Variants in ASTN1 observed in about 807,000 individuals in gnomAD.
The protein encoded by ASTN1 is astrotactin 1.
In ASTN1, 41 loss-of-function variants were observed where a neutral mutation model predicts 140.7. That is an observed-to-expected ratio of 0.29 (90% CI 0.23 to 0.38). The LOEUF (loss-of-function observed/expected upper bound fraction) is 0.38, where lower values mean the gene tolerates loss of function less well. ASTN1 is among the 10% of genes least tolerant of loss of function. ASTN1 has a pLI of 1.00. For synonymous variants in ASTN1, 640 were observed against 652.2 expected (o/e 0.98, Z 0.29); for missense variants, 1,479 against 1,678.8 (o/e 0.88, Z 2.08).
At chr1:177,098,413 A>G (rs1425528070) in intron 1 of ASTN1, among the ~76,000 whole-genome samples, 1 of 152,194 alleles carries the variant, frequency 6.6e-6, no homozygotes, top group Non-Finnish European at 1.5e-5. Context: ...AAAATAATAC[A>G]GTGCCTGACA....
At chr1:177,020,444 T>C (rs1675767596) in intron 7 of ASTN1, among the ~76,000 whole-genome samples, 1 of 152,136 alleles carries the variant, frequency 6.6e-6, no homozygotes, top group South Asian at 2.1e-4. Flanking sequence ...CCTTCCTCCA[T>C]ATTCAAAGTC....
intron 1 of ASTN1, among the ~76,000 whole-genome samples, chr1:177,065,038 C>T (rs1678282740): frequency 6.6e-6 from 1 of 152,220 alleles, no homozygotes; most frequent in Admixed American, 6.5e-5. Context: ...TGCAAGCCTG[C>T]CATGAGGCTC....
intron 7 of ASTN1, among the ~76,000 whole-genome samples, chr1:177,019,577 T>G (rs1288483117): frequency 1.3e-5 from 2 of 152,232 alleles, no homozygotes; most frequent in Non-Finnish European, 2.9e-5. Context: ...ATTTCTCAAG[T>G]GCATCCAAGT....
At chr1:176,890,105 G>T (rs1669198959) in intron 17 of ASTN1, among the ~76,000 whole-genome samples, 1 of 152,196 alleles carries the variant, frequency 6.6e-6, no homozygotes, top group Admixed American at 6.5e-5. Context: ...AGGATACGAG[G>T]ATGCACAAGA....
intron 2 of ASTN1, among the ~76,000 whole-genome samples, chr1:177,051,009 T>C (rs1677514330): frequency 6.6e-6 from 1 of 152,208 alleles, no homozygotes; most frequent in African/African-American, 2.4e-5. Flanking sequence ...ACTTTTCTTG[T>C]CAAGTCGAAG....
intron 2 of ASTN1, among the ~76,000 whole-genome samples, chr1:177,053,082 A>C (rs940439379): frequency 3.9e-5 from 6 of 152,322 alleles, no homozygotes; most frequent in East Asian, 1.9e-4. Flanking sequence ...CTGGAGACAC[A>C]GTGAGGGCTT....
At chr1:177,024,308 G>T (rs140084850) in intron 6 of ASTN1, among the ~76,000 whole-genome samples, 1 of 152,192 alleles carries the variant, frequency 6.6e-6, no homozygotes, top group Non-Finnish European at 1.5e-5. Flanking sequence ...CCAGTGGGCT[G>T]TGCATTTCTC....
rs1159146209 is a variant in ASTN1 at position 176,934,308 on chromosome 1, C to T, written c.2515G>A (p.Ala839Thr). ...GCCACAAAATCTGCACGAGATGTAG[C>T]CCCATCCAGCGAGTGGAGAGCATTG... ...LSNALHSLDG[A>T]TSRADFVALL... The change falls in exon 16 of 23, where the codon GCT (alanine) becomes ACT (threonine). Residue 839 changes from alanine to threonine, a missense_variant. This residue lies in a region of ASTN1 where 746 missense variants were observed against 800.9 expected (regional missense o/e 0.93). Transcript: ENST00000361833. 1 of 1,613,540 alleles carries T rather than the reference C, an allele frequency of 6.2e-7. No individual in the cohort carries two copies. Among genetic ancestry groups the T allele is most frequent in the Non-Finnish European group, 8.5e-7 (1 of 1,179,578 alleles).
chr1:176,988,064 A>G (rs1571611080), intron 8 of ASTN1, among the ~76,000 whole-genome samples: 1 of 152,186 alleles, frequency 6.6e-6, no homozygotes, highest in Non-Finnish European at 1.5e-5. Flanking sequence ...AACAGGTCTC[A>G]TGTTCAATTT....
intron 16 of ASTN1, among the ~76,000 whole-genome samples, chr1:176,924,146 A>T (rs917003572): frequency 1.3e-5 from 2 of 152,180 alleles, no homozygotes; most frequent in Non-Finnish European, 2.9e-5. Context: ...CTTGGCCATA[A>T]ATAGAATTTC....
At chr1:176,922,288 T>C (rs1384289605) in intron 16 of ASTN1, among the ~76,000 whole-genome samples, 6 of 152,086 alleles carry the variant, frequency 3.9e-5, no homozygotes, top group South Asian at 4.2e-4. Context: ...CCTGCATTTG[T>C]ATGCAGCCTG....
intron 8 of ASTN1, among the ~76,000 whole-genome samples, chr1:176,970,050 C>T (rs1047224972): frequency 6.6e-5 from 10 of 152,208 alleles, no homozygotes; most frequent in African/African-American, 2.4e-4. Flanking sequence ...CTTTTATTTG[C>T]CTTTTCTTTC....
intron 1 of ASTN1, among the ~76,000 whole-genome samples, chr1:177,160,268 C>T (rs953314174): frequency 6.6e-6 from 1 of 152,188 alleles, no homozygotes; most frequent in Non-Finnish European, 1.5e-5. Context: ...TCTGTTTTCT[C>T]CACTGCTGGA....
intron 1 of ASTN1, among the ~76,000 whole-genome samples, chr1:177,077,159 G>A (rs1678954149): frequency 6.6e-6 from 1 of 151,994 alleles, no homozygotes; most frequent in Non-Finnish European, 1.5e-5. Flanking sequence ...CTTCTGCTGG[G>A]GGTGAAACCA....
Position 177,040,424 on chromosome 1 carries a change from A to G in ASTN1, c.472-7575T>C, listed in dbSNP as rs577821735. 1.6e-4 allele frequency among the ~76,000 whole-genome samples: 25 copies of G among 152,338 alleles called. No individual in the cohort carries two copies. In the South Asian group the frequency reaches 4.8e-3, roughly 29 times the overall value. On this transcript the variant is annotated intron_variant, in intron 2 of 22. Transcript: ENST00000361833. Reference sequence around the variant, plus strand: ...GTTACTACTGCTGATTGCTGCCTCAAGATGCTTCAGCATCCCCTTCCCCCA... The same window carrying G: ...GTTACTACTGCTGATTGCTGCCTCAGGATGCTTCAGCATCCCCTTCCCCCA...
chr1:177,146,125 C>T lies in ASTN1; in HGVS notation c.283+18269G>A, dbSNP rs148561548. Among the ~76,000 whole-genome samples the T allele has an allele frequency of 4.2e-4, 64 of 152,022 alleles. 2 individuals carry two copies. Among genetic ancestry groups the T allele is most frequent in the Middle Eastern group, 3.4e-3 (1 of 294 alleles). ...AAAAAAAAACCTATATTTTCCAAAA[C>T]GAAAAATAGTGAGAACAATAACAGT... On this transcript the variant is annotated intron_variant, in intron 1 of 22. Coordinates refer to ENST00000361833, the MANE Select transcript of ASTN1 (RefSeq NM_004319.3).
At position 176,899,304 on chromosome 1, in the gene ASTN1, G is replaced by T. The variant is rs146863529; in HGVS notation, c.2672-4474C>A. ...CATGGCCTTAGGCATGTATATAGTG[G>T]CCCACCTAAATTCAGGAGCACATGA... On this transcript the variant is annotated intron_variant, in intron 16 of 22. Transcript: ENST00000361833. Among the ~76,000 whole-genome samples the T allele has an allele frequency of 5.9e-5, 9 of 152,280 alleles. No individual in the cohort carries two copies. The East Asian group carries it at 1.7e-3, about 29-fold the overall frequency.
intron 18 of ASTN1, among the ~76,000 whole-genome samples, chr1:176,885,676 A>T (rs1001970671): frequency 3.9e-5 from 6 of 152,128 alleles, no homozygotes; most frequent in African/African-American, 1.2e-4. Flanking sequence ...ATGACACCAA[A>T]CCATCTGCAA....
intron 11 of ASTN1, among the ~76,000 whole-genome samples, chr1:176,954,516 T>C (rs1462528692): frequency 1.3e-5 from 2 of 152,208 alleles, no homozygotes; most frequent in East Asian, 1.9e-4. Flanking sequence ...TTCTCATCTA[T>C]AGAGTTGTAA....
Sources: gnomAD v4.1 joint callset for allele counts (sites outside exome capture counted in the v4.1 genomes callset) on GRCh38, gnomAD v4.1.1 for gene constraint, gnomAD v4.1.1 regional missense constraint, MANE v1.5 for transcripts, NCBI Gene and HGNC (gene_info 2026-07-23, HGNC 2026-07-21) for gene names.